Variants in PTPRD observed in about 807,000 individuals in gnomAD.
PTPRD encodes the protein receptor-type tyrosine-protein phosphatase delta.
In PTPRD, 34 loss-of-function variants were observed where a neutral mutation model predicts 214.5. The observed-to-expected ratio is 0.16, with a 90% confidence interval of 0.12 to 0.21. The LOEUF is 0.21. PTPRD is among the 10% of genes least tolerant of loss of function. The pLI is 1.00. For missense variants in PTPRD, 2,545 were observed against 2,398.7 expected, an observed-to-expected ratio of 1.06 and a Z score of -1.27; for synonymous variants, 1,128 against 845.7, an observed-to-expected ratio of 1.33 and a Z score of -5.79.
intron 8 of PTPRD, among the ~76,000 whole-genome samples, chr9:9,442,892 T>C (rs2088719784): frequency 6.6e-6 from 1 of 152,204 alleles, no homozygotes; most frequent in Non-Finnish European, 1.5e-5. Flanking sequence ...TGAGCCATTG[T>C]GGTGTGCATC....
chr9:9,748,181 A>G (rs534181069), intron 6 of PTPRD, among the ~76,000 whole-genome samples: 2 of 152,182 alleles, frequency 1.3e-5, no homozygotes, highest in African/African-American at 4.8e-5. Context: ...CTTGGTGCAT[A>G]TAAAGATAGT....
chr9:8,576,802 C>G (rs1293140807), intron 14 of PTPRD, among the ~76,000 whole-genome samples: 1 of 152,136 alleles, frequency 6.6e-6, no homozygotes, highest in Non-Finnish European at 1.5e-5. Flanking sequence ...GTGTATGCCA[C>G]CTATACCAAA....
chr9:9,918,809 G>T (rs1366958079), intron 5 of PTPRD, among the ~76,000 whole-genome samples: 2 of 152,116 alleles, frequency 1.3e-5, no homozygotes, highest in East Asian at 3.9e-4. Flanking sequence ...TGAAAAGGTA[G>T]TATCTTTAAT....
intron 3 of PTPRD, among the ~76,000 whole-genome samples, chr9:10,084,151 T>C (rs986910133): frequency 6.6e-6 from 1 of 152,050 alleles, no homozygotes; most frequent in Non-Finnish European, 1.5e-5. Context: ...TAATACATTA[T>C]AATGTTCCAC....
chr9:10,401,847 T>G (rs1251592056), intron 2 of PTPRD, among the ~76,000 whole-genome samples: 1 of 151,222 alleles, frequency 6.6e-6, no homozygotes, highest in African/African-American at 2.4e-5. Context: ...TCCAAGTTTC[T>G]TTAAATTCCT....
chr9:10,445,398 G>C (rs912352728), intron 2 of PTPRD, among the ~76,000 whole-genome samples: 3 of 152,048 alleles, frequency 2.0e-5, no homozygotes, highest in Non-Finnish European at 4.4e-5. Flanking sequence ...ATGAGGACAT[G>C]TCTGCAATAG....
chr9:9,088,026 C>A (rs557306993), intron 10 of PTPRD, among the ~76,000 whole-genome samples: 2 of 150,952 alleles, frequency 1.3e-5, no homozygotes, highest in Non-Finnish European at 2.9e-5. Flanking sequence ...GAATTACAAG[C>A]GTGCACCACC....
chr9:8,714,540 C>G (rs2098409274), intron 12 of PTPRD, among the ~76,000 whole-genome samples: 1 of 152,138 alleles, frequency 6.6e-6, no homozygotes, highest in African/African-American at 2.4e-5. Flanking sequence ...GATCTCTGTA[C>G]AAGGTTTTTC....
chr9:10,462,695 G>A (rs1490280559), intron 2 of PTPRD, among the ~76,000 whole-genome samples: 3 of 150,776 alleles, frequency 2.0e-5, no homozygotes, highest in East Asian at 1.9e-4. Flanking sequence ...CATTGAGAAG[G>A]AAGTAAGATA....
intron 8 of PTPRD, among the ~76,000 whole-genome samples, chr9:9,445,733 GAC>G (rs1193627160): frequency 6.6e-6 from 1 of 152,092 alleles, no homozygotes; most frequent in Non-Finnish European, 1.5e-5. Flanking sequence ...TCCCTCTCCT[GAC>G]ACGTGGGAAT....
chr9:10,384,052 A>C (rs2154485727), intron 2 of PTPRD, among the ~76,000 whole-genome samples: 1 of 144,526 alleles, frequency 6.9e-6, no homozygotes, highest in Non-Finnish European at 1.5e-5. Flanking sequence ...ACTGAGGAGG[A>C]GGTGGGGATG....
At chr9:9,717,076 C>T (rs1386621489) in intron 7 of PTPRD, among the ~76,000 whole-genome samples, 1 of 152,012 alleles carries the variant, frequency 6.6e-6, no homozygotes, top group Non-Finnish European at 1.5e-5. Context: ...TATGGCTAGC[C>T]AGTTTTCCCA....
intron 9 of PTPRD, among the ~76,000 whole-genome samples, chr9:9,199,452 A>G (rs1303420784): frequency 6.6e-6 from 1 of 152,202 alleles, no homozygotes; most frequent in Non-Finnish European, 1.5e-5. Context: ...TGTAAAATGC[A>G]TCTCTACTGG....
At chr9:8,357,963 A>G (rs1406800020) in intron 39 of PTPRD, among the ~76,000 whole-genome samples, 5 of 152,024 alleles carry the variant, frequency 3.3e-5, no homozygotes, top group Non-Finnish European at 7.4e-5. Context: ...GGAAACCAAT[A>G]CTTCTTGGTC....
intron 11 of PTPRD, among the ~76,000 whole-genome samples, chr9:8,803,673 G>C (rs1049355013): frequency 6.6e-6 from 1 of 151,810 alleles, no homozygotes; most frequent in African/African-American, 2.4e-5. Flanking sequence ...ACAGAAAGCT[G>C]TGATCGGCTC....
chr9:10,540,030 GTTTA>G (rs1017277986), intron 2 of PTPRD, among the ~76,000 whole-genome samples: 4 of 152,028 alleles, frequency 2.6e-5, no homozygotes, highest in African/African-American at 9.7e-5. Context: ...TTGTTGGTTT[GTTTA>G]TTTATTTATT....
intron 11 of PTPRD, among the ~76,000 whole-genome samples, chr9:8,984,924 G>C (rs2099331281): frequency 6.6e-6 from 1 of 151,980 alleles, no homozygotes; most frequent in African/African-American, 2.4e-5. Context: ...ATGGTTTTGT[G>C]TTTACAATCT....
chr9:8,423,948 G>C (rs1245546540), intron 35 of PTPRD, among the ~76,000 whole-genome samples: 2 of 151,992 alleles, frequency 1.3e-5, no homozygotes, highest in African/African-American at 4.8e-5. Context: ...ATATTTTTCT[G>C]TTTGACAAGC....
chr9:10,524,112 T>C (rs1353452398), intron 2 of PTPRD, among the ~76,000 whole-genome samples: 1 of 151,998 alleles, frequency 6.6e-6, no homozygotes. Flanking sequence ...CACTCTCTCT[T>C]TCTTCCTCTT....
Sources: allele counts gnomAD v4.1 joint callset (sites outside exome capture counted in the v4.1 genomes callset), GRCh38; gene constraint gnomAD v4.1.1; transcripts MANE v1.5; gene names NCBI Gene and HGNC (gene_info 2026-07-23, HGNC 2026-07-21).